NPIPB2: variants seen among roughly 807,000 people sequenced by gnomAD.
NPIPB2 encodes the protein nuclear pore complex interacting protein family member B2.
In NPIPB2, 27 loss-of-function variants were observed where a neutral mutation model predicts 30.8. That is an observed-to-expected ratio of 0.88 (90% CI 0.65 to 1.21). The LOEUF (loss-of-function observed/expected upper bound fraction) is 1.21, where lower values mean the gene tolerates loss of function less well. NPIPB2 is among the 50% of genes most tolerant of loss of function. The pLI, the probability that NPIPB2 is intolerant of heterozygous loss-of-function variation, is 0.00. For synonymous variants in NPIPB2, 147 were observed against 162.0 expected (o/e 0.91, Z 0.70); for missense variants, 440 against 446.2 (o/e 0.99, Z 0.13).
chr16:11,966,626 C>A (rs1435613169), intron 1 of NPIPB2, among the ~76,000 whole-genome samples: 3 of 152,154 alleles, frequency 2.0e-5, no homozygotes. Context: ...GTCTCTTTGA[C>A]TAAAGTTAGC....
chr16:11,930,326 C>T lies in NPIPB2; in HGVS notation c.590+124G>A, dbSNP rs1208258412. Reference sequence around the variant, plus strand: ...TTTTGTGAACTCTCTCTCTCTCTCACGATATGTCTTCTGACCATTTGTTTC... The same window carrying T: ...TTTTGTGAACTCTCTCTCTCTCTCATGATATGTCTTCTGACCATTTGTTTC... On this transcript the variant is annotated intron_variant, in intron 5 of 7. Transcript: ENST00000399147. 3.4e-4 allele frequency: 310 copies of T among 923,136 alleles called. 1 individual carries two copies. The African/African-American group carries it at 4.6e-3, about 14-fold the overall frequency. The allele number at this position is 923,136 out of a possible 1,614,324, so 57.2% of individuals were successfully genotyped here. A position where few individuals can be genotyped will look rare whatever the true frequency, so the allele number is the denominator to read the frequency against.
At chr16:11,967,543 TTAA>T (rs756239436) in intron 1 of NPIPB2, 5 of 1,598,550 alleles carry the variant, frequency 3.1e-6, no homozygotes, top group Non-Finnish European at 4.3e-6. Flanking sequence ...GAAGTTTGGG[TTAA>T]TGTTTCCGTT....
intron 2 of NPIPB2, among the ~76,000 whole-genome samples, chr16:11,934,328 C>A (rs1349122920): frequency 6.8e-6 from 1 of 147,208 alleles, no homozygotes; most frequent in Non-Finnish European, 1.5e-5. Flanking sequence ...CCGAGGCAGG[C>A]GGATCACCTG....
upstream of NPIPB2, among the ~76,000 whole-genome samples, chr16:11,944,599 C>T (rs1261368243): frequency 6.6e-6 from 1 of 150,564 alleles, no homozygotes; most frequent in South Asian, 2.1e-4. Context: ...CCTGTCTCTA[C>T]TAAAAATACA....
chr16:11,937,631 G>T, exon 2 of NPIPB2: 4 of 1,599,372 alleles, frequency 2.5e-6, no homozygotes, highest in Non-Finnish European at 3.4e-6. Flanking sequence ...ACCAAAGTCA[G>T]TCCCACGATG....
chr16:11,932,364 A>G (rs1015560702), intron 4 of NPIPB2, among the ~76,000 whole-genome samples: 2 of 149,922 alleles, frequency 1.3e-5, no homozygotes, highest in Non-Finnish European at 3.0e-5. Flanking sequence ...CAAGCATTGA[A>G]TTCAACAATC....
At chr16:11,936,203 C>T (rs1305231554) in intron 2 of NPIPB2, among the ~76,000 whole-genome samples, 1 of 148,494 alleles carries the variant, frequency 6.7e-6, no homozygotes, top group East Asian at 2.0e-4. Context: ...ACTTGAGAGG[C>T]TGAGGCAGGG....
intron 1 of NPIPB2, among the ~76,000 whole-genome samples, chr16:11,941,621 A>T (rs1037874044): frequency 3.9e-4 from 60 of 151,908 alleles, no homozygotes; most frequent in Middle Eastern, 3.4e-3. Flanking sequence ...AGGTTCTGCT[A>T]TCCACCAAAC....
At chr16:11,944,151 G>T (rs2054976374), upstream of NPIPB2, among the ~76,000 whole-genome samples, 1 of 151,162 alleles carries the variant, frequency 6.6e-6, no homozygotes, top group Non-Finnish European at 1.5e-5. Context: ...TACTGCCTGT[G>T]ATACAGATGA....
At chr16:11,952,175 C>CG (rs1555509444) in intron 1 of NPIPB2, among the ~76,000 whole-genome samples, 1 of 128,846 alleles carries the variant, frequency 7.8e-6, no homozygotes, top group Non-Finnish European at 1.6e-5. Context: ...AAAAACAAAA[C>CG]AAAAAAAAAA....
intron 1 of NPIPB2, among the ~76,000 whole-genome samples, chr16:11,967,298 A>G (rs2055202031): frequency 6.6e-6 from 1 of 152,146 alleles, no homozygotes; most frequent in Non-Finnish European, 1.5e-5. Context: ...CACAGGGCCC[A>G]GCACATACTC....
intron 1 of NPIPB2, among the ~76,000 whole-genome samples, chr16:11,953,028 C>T (rs1455333867): frequency 4.6e-5 from 7 of 152,176 alleles, no homozygotes; most frequent in Non-Finnish European, 8.8e-5. Context: ...CTAGAGTGCT[C>T]ATGTTCTCAT....
intron 1 of NPIPB2, chr16:11,967,797 C>T: frequency 6.2e-7 from 1 of 1,614,192 alleles, no homozygotes. Flanking sequence ...CAAGAGCCTG[C>T]CAGCTGCTTT....
chr16:11,951,847 GA>G (rs2055069038), intron 1 of NPIPB2, among the ~76,000 whole-genome samples: 1 of 150,766 alleles, frequency 6.6e-6, no homozygotes, highest in African/African-American at 2.5e-5. Flanking sequence ...CTAACAGGTT[GA>G]AACCCCGTCT....
chr16:11,941,651 C>G (rs535810131), intron 1 of NPIPB2, among the ~76,000 whole-genome samples: 2 of 151,900 alleles, frequency 1.3e-5, no homozygotes, highest in South Asian at 4.2e-4. Flanking sequence ...TCTGGGCCCT[C>G]CCTTACCAAC....
At chr16:11,964,407 T>C (rs1234027380) in intron 1 of NPIPB2, among the ~76,000 whole-genome samples, 1 of 152,098 alleles carries the variant, frequency 6.6e-6, no homozygotes, top group Admixed American at 6.6e-5. Flanking sequence ...ACCTCTGATC[T>C]TCCTGTAGAA....
chr16:11,957,034 G>A (rs561236319), intron 1 of NPIPB2, among the ~76,000 whole-genome samples: 8 of 151,882 alleles, frequency 5.3e-5, no homozygotes, highest in East Asian at 1.9e-4. Flanking sequence ...CTCTGTCACC[G>A]AGGCTGGAGT....
chr16:11,952,851 C>T (rs2055080071), intron 1 of NPIPB2, among the ~76,000 whole-genome samples: 1 of 152,158 alleles, frequency 6.6e-6, no homozygotes, highest in South Asian at 2.1e-4. Context: ...CAGGTGTCAG[C>T]CACCGTGCCT....
chr16:11,957,642 G>A (rs781770490), intron 1 of NPIPB2, among the ~76,000 whole-genome samples: 4 of 152,196 alleles, frequency 2.6e-5, no homozygotes, highest in East Asian at 1.9e-4. Flanking sequence ...CATAATGTGC[G>A]TGGGCTTCAT....
Sources: allele counts gnomAD v4.1 joint callset (sites outside exome capture counted in the v4.1 genomes callset), GRCh38; gene constraint gnomAD v4.1.1; transcripts MANE v1.5; gene names NCBI Gene and HGNC (gene_info 2026-07-23, HGNC 2026-07-21).